GRK5: variants seen among roughly 807,000 people sequenced by gnomAD.
GRK5 encodes the protein g protein-coupled receptor kinase GRK5.
GRK5 carries 40 observed loss-of-function variants against 78.4 expected under a neutral mutation model. That is an observed-to-expected ratio of 0.51 (90% confidence interval 0.40 to 0.66). The LOEUF is 0.66. Among genes scored for constraint, GRK5 ranks in the 30% least tolerant of loss-of-function variants. The pLI, the probability that GRK5 is intolerant of heterozygous loss-of-function variation, is 0.00. For missense variants in GRK5, 598 were observed against 759.9 expected (o/e 0.79, Z 2.50); for synonymous variants, 289 against 296.8 (o/e 0.97, Z 0.27).
chr10:119,359,982 G>T (rs566967460), intron 2 of GRK5, among the ~76,000 whole-genome samples: 2 of 151,830 alleles, frequency 1.3e-5, no homozygotes, highest in South Asian at 4.2e-4. Context: ...GGGAGGCTGA[G>T]GAGGCGGAGG....
chr10:119,283,184 A>G (rs1223368410), intron 1 of GRK5, among the ~76,000 whole-genome samples: 1 of 152,142 alleles, frequency 6.6e-6, no homozygotes, highest in Non-Finnish European at 1.5e-5. Context: ...TTTTAAACCA[A>G]AAACAACATA....
intron 1 of GRK5, among the ~76,000 whole-genome samples, chr10:119,325,395 C>T (rs1850657432): frequency 6.6e-6 from 1 of 152,034 alleles, no homozygotes; most frequent in Non-Finnish European, 1.5e-5. Context: ...CCACTGGGCT[C>T]CCCTGGGTTG....
At chr10:119,273,091 C>T (rs556941414) in intron 1 of GRK5, among the ~76,000 whole-genome samples, 2 of 152,306 alleles carry the variant, frequency 1.3e-5, no homozygotes, top group East Asian at 1.9e-4. Flanking sequence ...TTCCATGCCT[C>T]GGAATATGAA....
intron 4 of GRK5, among the ~76,000 whole-genome samples, chr10:119,415,073 C>A (rs1423445303): frequency 8.9e-6 from 1 of 112,512 alleles, no homozygotes. Flanking sequence ...CAGAGTGAGA[C>A]TCTGTCTCAA....
chr10:119,330,885 G>A (rs899703083), intron 2 of GRK5, among the ~76,000 whole-genome samples: 1 of 152,164 alleles, frequency 6.6e-6, no homozygotes, highest in African/African-American at 2.4e-5. Context: ...GCCAGGCATG[G>A]TGGTGGGTGC....
At chr10:119,427,834 G>A (rs1052394718) in intron 6 of GRK5, among the ~76,000 whole-genome samples, 5 of 151,826 alleles carry the variant, frequency 3.3e-5, no homozygotes, top group African/African-American at 7.3e-5. Context: ...CAGCATCACT[G>A]CCATCATCAG....
intron 2 of GRK5, among the ~76,000 whole-genome samples, chr10:119,356,594 T>A (rs910254753): frequency 1.3e-5 from 2 of 152,216 alleles, no homozygotes; most frequent in African/African-American, 4.8e-5. Flanking sequence ...GATTTCTATA[T>A]CCAGCATTAC....
chr10:119,322,047 C>T (rs867669118), intron 1 of GRK5, among the ~76,000 whole-genome samples: 8 of 152,202 alleles, frequency 5.3e-5, no homozygotes, highest in Admixed American at 1.3e-4. Context: ...GTGGCATGAT[C>T]ATAGCTCACT....
intron 1 of GRK5, among the ~76,000 whole-genome samples, chr10:119,259,065 CTTTTTTTTTTT>C (rs397950981): frequency 1.5e-5 from 2 of 130,196 alleles, no homozygotes; most frequent in Non-Finnish European, 3.2e-5. Flanking sequence ...CTTTCTTTTT[CTTTTTTTTTTT>C]TTTTTTGAGA....
At chr10:119,389,746 G>T (rs1851856640) in intron 3 of GRK5, among the ~76,000 whole-genome samples, 1 of 151,948 alleles carries the variant, frequency 6.6e-6, no homozygotes, top group African/African-American at 2.4e-5. Flanking sequence ...GGGAACTGTG[G>T]ACTGCCATGT....
At chr10:119,420,856 C>T (rs1852556998) in intron 4 of GRK5, among the ~76,000 whole-genome samples, 1 of 152,230 alleles carries the variant, frequency 6.6e-6, no homozygotes, top group Admixed American at 6.5e-5. Flanking sequence ...GCTGGCATTA[C>T]AGGCATGAGC....
chr10:119,390,138 TG>T (rs1308595658), intron 3 of GRK5, among the ~76,000 whole-genome samples: 2 of 151,936 alleles, frequency 1.3e-5, no homozygotes, highest in South Asian at 4.1e-4. Context: ...GGGGTGAGGA[TG>T]GGTGGAGCTC....
At chr10:119,246,019 C>CAAAAAAAAA (rs941734040) in intron 1 of GRK5, among the ~76,000 whole-genome samples, 68 of 13,958 alleles carry the variant, frequency 4.9e-3, no homozygotes, top group East Asian at 7.0e-3. Flanking sequence ...GACTCCATCT[C>CAAAAAAAAA]AAAAAAAAAA....
rs1280048816 is a variant in GRK5, at chr10:119,443,641, C to G, written c.1155C>G (p.Phe385Leu). The G allele has an allele frequency of 6.2e-7, 1 of 1,613,626 alleles. No homozygotes were observed. Among genetic ancestry groups the G allele is most frequent in the Non-Finnish European group, 8.5e-7 (1 of 1,179,932 alleles). ...IYEMIEGQSPFRGRKEKVKRE... is the reference protein window; with the variant it reads ...IYEMIEGQSPLRGRKEKVKRE... ...AGATGATCGAGGGCCAGTCGCCGTT[C>G]CGCGGCCGCAAGGAGAAGGTGAAGC... The change falls in exon 12 of 16, where the codon TTC becomes TTG. Residue 385 changes from phenylalanine to leucine, a missense_variant. Transcript: ENST00000392870.
At chr10:119,292,768 G>A (rs1316447581) in intron 1 of GRK5, among the ~76,000 whole-genome samples, 1 of 152,032 alleles carries the variant, frequency 6.6e-6, no homozygotes. Flanking sequence ...TAATGTAAAT[G>A]CTATGTAAAT....
chr10:119,236,248 CTG>C, intron 1 of GRK5, among the ~76,000 whole-genome samples: 1 of 152,224 alleles, frequency 6.6e-6, no homozygotes, highest in East Asian at 1.9e-4. Flanking sequence ...CGGAGTCTCG[CTG>C]TCTCTCCCAG....
intron 3 of GRK5, among the ~76,000 whole-genome samples, chr10:119,393,299 G>A (rs751945167): frequency 5.9e-5 from 9 of 152,270 alleles, no homozygotes; most frequent in South Asian, 2.1e-4. Context: ...TCCCTCTGCC[G>A]CCCTGTGGAC....
chr10:119,293,816 A>G (rs1277206030), intron 1 of GRK5, among the ~76,000 whole-genome samples: 1 of 152,166 alleles, frequency 6.6e-6, no homozygotes, highest in Non-Finnish European at 1.5e-5. Context: ...AGTCTGGAGT[A>G]GGAACAATAC....
chr10:119,233,087 T>G (rs72834164), intron 1 of GRK5, among the ~76,000 whole-genome samples: 2,223 of 152,312 alleles, frequency 0.015, 30 homozygotes, highest in South Asian at 0.056. Context: ...ATGGCCAGTG[T>G]GAAGTCTTGG....
Sources: allele counts gnomAD v4.1 joint callset (sites outside exome capture counted in the v4.1 genomes callset), GRCh38; gene constraint gnomAD v4.1.1; transcripts MANE v1.5; gene names NCBI Gene and HGNC (gene_info 2026-07-23, HGNC 2026-07-21).